The following OC90 variants were observed in gnomAD, a reference collection of about 807,000 sequenced individuals.
OC90 encodes otoconin 90, also known as otoconin-90.
In OC90, 46 loss-of-function variants were observed where a neutral mutation model predicts 47.3. The ratio of observed to expected loss-of-function variants is 0.97; its 90% CI spans 0.77 to 1.24. OC90 has a LOEUF of 1.24. Among genes scored for constraint, OC90 ranks in the 50% most tolerant of loss-of-function variants. The pLI, the probability that OC90 is intolerant of heterozygous loss-of-function variation, is 0.00. For missense variants in OC90, 688 were observed against 583.9 expected, an observed-to-expected ratio of 1.18 and a Z score of -1.84; for synonymous variants, 271 against 219.5, an observed-to-expected ratio of 1.23 and a Z score of -2.07.
Position 132,024,749 on chromosome 8 carries a change from A to G in OC90, c.1166T>C (p.Leu389Ser). ...KCGGQSLCEK[L>S]LCACDQTAAE... ...TGCCGTCTGGTCACAGGCACAGAGCAACTTCTCACACAGGCTTTGGCCCCC... is the reference window on the plus strand; with the variant it reads ...TGCCGTCTGGTCACAGGCACAGAGCGACTTCTCACACAGGCTTTGGCCCCC... Residue 389 changes from leucine to serine, a missense_variant, in exon 14 of 14, where the codon TTG (leucine) becomes TCG (serine). By Grantham distance (145) the Leu-to-Ser change is moderately radical. Transcript: ENST00000254627. 1 of 1,613,688 alleles carries G rather than the reference A, an allele frequency of 6.2e-7. No homozygotes were observed. The highest frequency in any genetic ancestry group is 8.5e-7 in the Non-Finnish European group (1 of 1,179,742).
intron 1 of OC90, among the ~76,000 whole-genome samples, chr8:132,056,844 C>T (rs1266067652): frequency 1.3e-5 from 2 of 152,198 alleles, no homozygotes; most frequent in Non-Finnish European, 2.9e-5. Context: ...CACTTTCTGC[C>T]ACTCAGTATG....
chr8:132,044,716 C>G (rs1487295766), intron 3 of OC90, among the ~76,000 whole-genome samples: 3 of 152,112 alleles, frequency 2.0e-5, no homozygotes, highest in Non-Finnish European at 4.4e-5. Flanking sequence ...CAAATGACCC[C>G]TGGGTGGTAA....
At chr8:132,044,559 A>G in intron 3 of OC90, 70 bp from the exon 4 acceptor site, 2 of 852,144 alleles carry the variant, frequency 2.3e-6, no homozygotes, top group East Asian at 2.6e-5. Flanking sequence ...TCCACCCTCT[A>G]GGTAAAGTGT....
intron 1 of OC90, among the ~76,000 whole-genome samples, chr8:132,055,889 G>A (rs1357591603): frequency 6.6e-6 from 1 of 152,106 alleles, no homozygotes; most frequent in Non-Finnish European, 1.5e-5. Context: ...TCCATTATAT[G>A]TTTAACAGGG....
intron 11 of OC90, 82 bp downstream of exon 11, chr8:132,032,953 AGTGT>A (rs888700388): frequency 1.0e-4 from 148 of 1,425,772 alleles, no homozygotes; most frequent in Non-Finnish European, 1.4e-4. Flanking sequence ...AGAAGGTCAC[AGTGT>A]GAAAAGGTGG....
At chr8:132,049,503 G>A (rs1586715355) in intron 2 of OC90, among the ~76,000 whole-genome samples, 1 of 152,190 alleles carries the variant, frequency 6.6e-6, no homozygotes, top group Non-Finnish European at 1.5e-5. Context: ...AACAGTTATT[G>A]TTTAGAAGGA....
rs887818605 is a variant in OC90 at position 132,048,773 on chromosome 8, C to T, written c.47-2890G>A. Among the ~76,000 whole-genome samples the T allele has an allele frequency of 1.3e-4, 20 of 151,600 alleles. 1 individual carries two copies. The highest frequency in any genetic ancestry group is 3.4e-4 in the African/African-American group (14 of 40,848). ...AGGTTTAGAGAGGTGGCACCTGCCA[C>T]GGCCACAGAGCACAGCAGGAAAGGG... On this transcript the variant is annotated intron_variant, in intron 2 of 13. Transcript: ENST00000254627.
intron 1 of OC90, among the ~76,000 whole-genome samples, chr8:132,055,614 C>T (rs144892124): frequency 1.2e-4 from 18 of 152,300 alleles, no homozygotes; most frequent in African/African-American, 4.3e-4. Flanking sequence ...GAAATAAATC[C>T]GACAACCACA....
chr8:132,028,803 GAAAGAAAGAAAGAAAGAA>G (rs769213405), intron 13 of OC90, among the ~76,000 whole-genome samples: 4 of 135,320 alleles, frequency 3.0e-5, no homozygotes, highest in Non-Finnish European at 6.2e-5. Flanking sequence ...AAGAAGGAAA[GAAAGAAAGAAAGAAAGAA>G]AAAGAAAGAA....
At chr8:132,028,608 AGGGAAGG>A (rs1822806039) in intron 13 of OC90, among the ~76,000 whole-genome samples, 4 of 108,228 alleles carry the variant, frequency 3.7e-5, no homozygotes, top group Non-Finnish European at 5.4e-5. Flanking sequence ...GGAGGGAAGG[AGGGAAGG>A]AGGAAGGAAG....
At position 132,024,515 on chromosome 8, in the gene OC90, C is replaced by G; in HGVS notation, c.1400G>C (p.Gly467Ala). The change falls in exon 14 of 14, where the codon GGT (glycine) becomes GCT (alanine). Residue 467 changes from glycine (G) to alanine (A), a missense_variant. Physicochemically the swap from Gly to Ala is moderately conservative, Grantham distance 60 (BLOSUM62 0). Coordinates refer to ENST00000254627, the MANE Select transcript of OC90 (RefSeq NM_001080399.3). ...ATGAAGAGGCCCGATCCCCAAGGGA[C>G]CCAGTGACTTCCGCAGAAACCTCTT... ...RAKRFLRKSL[G>A]PLGIGPLHGR 1.9e-6 allele frequency: 3 copies of G among 1,587,024 alleles called. No individual in the cohort carries two copies. The highest frequency in any genetic ancestry group is 2.6e-6 in the Non-Finnish European group (3 of 1,163,454).
In OC90 at chr8:132,036,418, A is replaced by C. The variant is rs765936091; in HGVS notation, c.679+1020T>G. On this transcript the variant is annotated intron_variant, in intron 9 of 13. Coordinates refer to ENST00000254627, the MANE Select transcript of OC90 (RefSeq NM_001080399.3). ...TCTGTCAGCCTCAGTCTCTGCAGCCACTGTGAACAGAAATCACCCGATTTT... is the reference window on the plus strand; with the variant it reads ...TCTGTCAGCCTCAGTCTCTGCAGCCCCTGTGAACAGAAATCACCCGATTTT... The C allele has an allele frequency of 9.0e-6, 7 of 780,748 alleles. No homozygotes were observed. The South Asian group carries it at 9.4e-5, about 10-fold the overall frequency. The allele number at this position is 780,748 out of a possible 1,614,324, so 48.4% of individuals were successfully genotyped here.
rs115296676 is a variant in OC90 at position 132,038,272 on chromosome 8, C to T, written c.628+518G>A. Reference sequence around the variant, plus strand: ...CTACCCTGTTCTGAAAATAAACATGCGAAAAGCAGCCTCCCCATCAAAAAG... The same window carrying T: ...CTACCCTGTTCTGAAAATAAACATGTGAAAAGCAGCCTCCCCATCAAAAAG... On this transcript the variant is annotated intron_variant, in intron 8 of 13. Coordinates refer to ENST00000254627, the MANE Select transcript of OC90 (RefSeq NM_001080399.3). 8.2e-3 allele frequency among the ~76,000 whole-genome samples: 1,246 copies of T among 152,270 alleles called. 20 individuals carry two copies. The highest frequency in any genetic ancestry group is 0.029 in the African/African-American group (1,188 of 41,556).
chr8:132,047,856 G>A (rs886226156), intron 2 of OC90, among the ~76,000 whole-genome samples: 1 of 152,274 alleles, frequency 6.6e-6, no homozygotes, highest in African/African-American at 2.4e-5. Context: ...GAATGTATGT[G>A]TTCCTCCAAA....
intron 12 of OC90, 87 bp downstream of exon 12, chr8:132,031,794 C>A: frequency 8.4e-7 from 1 of 1,193,156 alleles, no homozygotes; most frequent in East Asian, 2.4e-5. Flanking sequence ...AAGTTTCAGC[C>A]TGGTGTCCAG....
intron 1 of OC90, among the ~76,000 whole-genome samples, chr8:132,058,838 AT>A (rs972143506): frequency 4.2e-4 from 63 of 151,776 alleles, no homozygotes; most frequent in Admixed American, 6.6e-4. Context: ...GAAGTGGTGG[AT>A]TTTTCCCCCG....
At chr8:132,024,826 C>T in intron 13 of OC90, 50 bp from the exon 14 acceptor site, 1 of 1,527,284 alleles carries the variant, frequency 6.5e-7, no homozygotes, top group Non-Finnish European at 8.9e-7. Context: ...GAGGATGGCA[C>T]TGGGAGGCCC....
chr8:132,035,136 TAAAAG>T (rs927438308), intron 9 of OC90, among the ~76,000 whole-genome samples: 8 of 152,310 alleles, frequency 5.3e-5, no homozygotes, highest in Non-Finnish European at 1.0e-4. Flanking sequence ...GGAGAAAAAC[TAAAAG>T]AAAAGTACAT....
chr8:132,039,073 T>A lies in OC90; in HGVS notation c.508A>T (p.Ile170Leu), dbSNP rs781380297. 1 of 1,613,680 alleles carries A rather than the reference T, an allele frequency of 6.2e-7. No homozygotes were observed. Among genetic ancestry groups the A allele is most frequent in the East Asian group, 2.2e-5 (1 of 44,862 alleles). The stretch of plus-strand genomic sequence containing the variant: ...AGGCTGGATCGAGCCAAGCACTCTA[T>A]GGCAGCCTTATCACAGGTACACAGC... ...HLLCTCDKAA[I>L]ECLARSSLNS... The change falls in exon 7 of 14, where the codon ATA becomes TTA. Residue 170 changes from isoleucine to leucine, a missense_variant. Coordinates refer to ENST00000254627, the MANE Select transcript of OC90 (RefSeq NM_001080399.3).
Sources: gnomAD v4.1 joint callset for allele counts (sites outside exome capture counted in the v4.1 genomes callset) on GRCh38, gnomAD v4.1.1 for gene constraint, MANE v1.5 for transcripts, NCBI Gene and HGNC (gene_info 2026-07-23, HGNC 2026-07-21) for gene names.